Variants in MMP26 observed in about 807,000 individuals in gnomAD.
The protein encoded by MMP26 is matrix metalloproteinase-26.
Under a neutral mutation model 31.0 loss-of-function variants are expected in MMP26, and 33 were observed. The ratio of observed to expected loss-of-function variants is 1.06; its 90% CI spans 0.81 to 1.42. The LOEUF is 1.42. Among genes scored for constraint, MMP26 ranks in the 40% most tolerant of loss-of-function variants. The pLI is 0.00. For synonymous variants in MMP26, 122 were observed against 114.9 expected, an observed-to-expected ratio of 1.06 and a Z score of -0.40; for missense variants, 347 against 316.1, an observed-to-expected ratio of 1.10 and a Z score of -0.74.
intron 2 of MMP26, chr11:4,795,389 A>C (rs1424024610): frequency 6.6e-6 from 1 of 152,220 alleles, no homozygotes; most frequent in Non-Finnish European, 1.5e-5. Flanking sequence ...TGAAGAGACC[A>C]ACCAAGTAAT....
intron 2 of MMP26, among the ~76,000 whole-genome samples, chr11:4,826,559 G>C (rs1297410311): frequency 6.6e-6 from 1 of 152,056 alleles, no homozygotes; most frequent in Non-Finnish European, 1.5e-5. Flanking sequence ...CTGAGCCCTG[G>C]AGGAACCACA....
intron 2 of MMP26, among the ~76,000 whole-genome samples, chr11:4,984,444 T>A (rs1055489097): frequency 3.3e-5 from 5 of 152,332 alleles, no homozygotes; most frequent in Non-Finnish European, 7.4e-5. Flanking sequence ...TGTTGAGCGA[T>A]CTGAATTATA....
intron 2 of MMP26, among the ~76,000 whole-genome samples, chr11:4,830,679 A>G (rs1174118887): frequency 1.3e-5 from 2 of 152,228 alleles, no homozygotes; most frequent in African/African-American, 4.8e-5. Flanking sequence ...AGCCATACCA[A>G]TAACAGGCTG....
intron 2 of MMP26, among the ~76,000 whole-genome samples, chr11:4,951,663 A>T (rs1846375191): frequency 8.1e-6 from 1 of 124,148 alleles, no homozygotes; most frequent in African/African-American, 2.7e-5. Context: ...TCACAGTCAC[A>T]GTGATAGGGG....
chr11:4,886,236 C>T (rs1476203102), intron 2 of MMP26, among the ~76,000 whole-genome samples: 1 of 152,038 alleles, frequency 6.6e-6, no homozygotes, highest in East Asian at 1.9e-4. Flanking sequence ...CTGTTGGTCT[C>T]CTTGTGTTGG....
At chr11:4,946,242 G>A (rs1321954095) in intron 2 of MMP26, 11 of 1,614,016 alleles carry the variant, frequency 6.8e-6, no homozygotes, top group Non-Finnish European at 9.3e-6. Flanking sequence ...GGGTTCGTCA[G>A]TGGAGGTACA....
chr11:4,968,022 T>G (rs1047522426), intron 2 of MMP26, among the ~76,000 whole-genome samples: 2 of 152,144 alleles, frequency 1.3e-5, no homozygotes, highest in Non-Finnish European at 2.9e-5. Context: ...TTCAGTCCCA[T>G]GTAATATATT....
intron 2 of MMP26, among the ~76,000 whole-genome samples, chr11:4,792,854 A>T (rs895239630): frequency 2.0e-5 from 3 of 152,196 alleles, no homozygotes; most frequent in African/African-American, 7.2e-5. Context: ...TATTCGTTGT[A>T]TCAGAATTTA....
intron 2 of MMP26, among the ~76,000 whole-genome samples, chr11:4,910,896 A>C (rs1850980738): frequency 6.6e-6 from 1 of 152,172 alleles, no homozygotes; most frequent in Admixed American, 6.6e-5. Context: ...ACAGAGTCCT[A>C]AAATTATAAT....
At chr11:4,914,290 A>C (rs527323102) in intron 2 of MMP26, 3 of 161,432 alleles carry the variant, frequency 1.9e-5, no homozygotes, top group African/African-American at 7.2e-5. Flanking sequence ...GGTTTCAAAA[A>C]CAAGCGTTGA....
chr11:4,977,922 C>G (rs1160768115), intron 2 of MMP26, among the ~76,000 whole-genome samples: 1 of 152,012 alleles, frequency 6.6e-6, no homozygotes, highest in Non-Finnish European at 1.5e-5. Flanking sequence ...CCACCCAAAT[C>G]TCATCTTAAA....
At chr11:4,796,354 C>A (rs1457373364) in intron 2 of MMP26, among the ~76,000 whole-genome samples, 1 of 152,204 alleles carries the variant, frequency 6.6e-6, no homozygotes, top group Non-Finnish European at 1.5e-5. Context: ...ATAGAATTGC[C>A]TTCTCATTTG....
At chr11:4,924,358 T>C (rs1021474860) in intron 2 of MMP26, 1 of 1,567,076 alleles carries the variant, frequency 6.4e-7, no homozygotes, top group African/African-American at 1.4e-5. Context: ...AATCTTGGAC[T>C]CAGAAACCTG....
intron 2 of MMP26, chr11:4,915,150 G>A: frequency 3.1e-6 from 5 of 1,614,034 alleles, no homozygotes; most frequent in Non-Finnish European, 2.5e-6. Flanking sequence ...CCACAATAGG[G>A]GAATCTTTTG....
intron 2 of MMP26, among the ~76,000 whole-genome samples, chr11:4,891,347 G>A (rs963154810): frequency 6.6e-6 from 1 of 152,114 alleles, no homozygotes; most frequent in Admixed American, 6.6e-5. Context: ...CAAAGTGAGA[G>A]GGGGAAGGGA....
chr11:4,732,536 C>T (rs1027899909), intron 1 of MMP26, among the ~76,000 whole-genome samples: 3 of 130,286 alleles, frequency 2.3e-5, no homozygotes, highest in South Asian at 2.7e-4. Context: ...GAGCGAGACT[C>T]GTCTCAAAAA....
chr11:4,986,909 C>T (rs1035696315), intron 2 of MMP26, among the ~76,000 whole-genome samples: 5 of 92,328 alleles, frequency 5.4e-5, no homozygotes, highest in Admixed American at 1.1e-4. Context: ...CTTCCTTTCT[C>T]TCTCTCTCTC....
intron 2 of MMP26, among the ~76,000 whole-genome samples, chr11:4,782,154 T>A (rs978200520): frequency 3.3e-5 from 5 of 151,428 alleles, no homozygotes; most frequent in Admixed American, 2.0e-4. Flanking sequence ...CAGGCAGAGG[T>A]TCGAACAGTT....
intron 2 of MMP26, among the ~76,000 whole-genome samples, chr11:4,883,201 G>GT (rs1850503941): frequency 6.7e-6 from 1 of 149,672 alleles, no homozygotes; most frequent in African/African-American, 2.5e-5. Context: ...TAGACCAGAA[G>GT]TAAATTAAAA....
Sources: allele counts gnomAD v4.1 joint callset (sites outside exome capture counted in the v4.1 genomes callset), GRCh38; gene constraint gnomAD v4.1.1; transcripts MANE v1.5; gene names NCBI Gene and HGNC (gene_info 2026-07-23, HGNC 2026-07-21).